SMCO4: variants seen among roughly 807,000 people sequenced by gnomAD.
SMCO4 encodes the protein single-pass membrane protein with coiled-coil domains 4.
Under a neutral mutation model 3.6 loss-of-function variants are expected in SMCO4, and 4 were observed. The ratio of observed to expected loss-of-function variants is 1.11; its 90% CI spans 0.54 to 2.53. The LOEUF (loss-of-function observed/expected upper bound fraction) is 2.53, where lower values mean the gene tolerates loss of function less well. SMCO4 is among the 30% of genes most tolerant of loss of function. SMCO4 has a pLI of 0.02. For synonymous variants in SMCO4, 36 were observed against 35.3 expected (o/e 1.02, Z -0.07); for missense variants, 70 against 80.8 (o/e 0.87, Z 0.51).
chr11:93,523,644 G>A (rs559623936), intron 1 of SMCO4, among the ~76,000 whole-genome samples: 1 of 152,350 alleles, frequency 6.6e-6, no homozygotes, highest in Admixed American at 6.5e-5. Context: ...GGGCAACAGA[G>A]CAAGACCCCG....
At chr11:93,487,283 G>A (rs1000810194) in intron 2 of SMCO4, among the ~76,000 whole-genome samples, 1 of 152,160 alleles carries the variant, frequency 6.6e-6, no homozygotes, top group Non-Finnish European at 1.5e-5. Flanking sequence ...ATGGGACTCC[G>A]GACACCCGCA....
chr11:93,526,661 C>T (rs1024854470), intron 1 of SMCO4, among the ~76,000 whole-genome samples: 49 of 152,294 alleles, frequency 3.2e-4, no homozygotes, highest in African/African-American at 1.1e-3. Flanking sequence ...TTCTCACGCA[C>T]CATTGTACAC....
chr11:93,528,396 C>T (rs772141411), intron 1 of SMCO4, among the ~76,000 whole-genome samples: 28 of 152,274 alleles, frequency 1.8e-4, no homozygotes, highest in East Asian at 7.7e-4. Flanking sequence ...TGGAGACACC[C>T]GCCTCCAGAG....
intron 1 of SMCO4, among the ~76,000 whole-genome samples, chr11:93,533,514 C>G (rs1949182834): frequency 6.6e-6 from 1 of 152,190 alleles, no homozygotes; most frequent in Admixed American, 6.5e-5. Flanking sequence ...TCCTGGCCAT[C>G]TGTGTAGCTT....
intron 2 of SMCO4, among the ~76,000 whole-genome samples, chr11:93,489,354 A>G (rs1205363500): frequency 6.6e-6 from 1 of 152,222 alleles, no homozygotes; most frequent in Non-Finnish European, 1.5e-5. Context: ...ATAATTATGT[A>G]TGAAAAATAA....
intron 1 of SMCO4, among the ~76,000 whole-genome samples, chr11:93,512,433 A>G (rs1948966100): frequency 6.6e-6 from 1 of 152,186 alleles, no homozygotes. Flanking sequence ...AGGCCTTCAC[A>G]TTCACTCACC....
chr11:93,533,209 G>T (rs1299205131), intron 1 of SMCO4, among the ~76,000 whole-genome samples: 1 of 152,190 alleles, frequency 6.6e-6, no homozygotes, highest in Non-Finnish European at 1.5e-5. Flanking sequence ...TACATGGTGT[G>T]GTGGGAAAGA....
intron 1 of SMCO4, among the ~76,000 whole-genome samples, chr11:93,542,942 A>C (rs1322819016): frequency 4.7e-5 from 7 of 149,648 alleles, no homozygotes; most frequent in African/African-American, 1.7e-4. Context: ...TCCGCCCCGC[A>C]CCCGCACTTC....
At position 93,487,775 on chromosome 11, in the gene SMCO4, G is replaced by A. The variant is rs923228157; in HGVS notation, c.-80-8506C>T. Among the ~76,000 whole-genome samples the A allele has an allele frequency of 2.0e-5, 3 of 152,306 alleles. No homozygotes were observed. The South Asian group carries it at 6.2e-4, about 32-fold the overall frequency. ...TAGTCAACAAGAAAAAGCAGCACAC[G>A]GTAAATTAAGTGCATGTCAGGGTTT... is the stretch of plus-strand genomic sequence containing the variant. On this transcript the variant is annotated intron_variant, in intron 2 of 2. Transcript: ENST00000298966.
chr11:93,513,271 T>G (rs1292277450), intron 1 of SMCO4, among the ~76,000 whole-genome samples: 1 of 152,232 alleles, frequency 6.6e-6, no homozygotes, highest in Non-Finnish European at 1.5e-5. Flanking sequence ...AGTCAATATA[T>G]GTGAAGACCT....
At chr11:93,526,268 A>G (rs1183268063) in intron 1 of SMCO4, among the ~76,000 whole-genome samples, 7 of 151,256 alleles carry the variant, frequency 4.6e-5, no homozygotes, top group African/African-American at 1.7e-4. Context: ...TGGCTGCTCA[A>G]GATTAGAGAA....
At chr11:93,549,932 TA>T in the SMCO4 span, among the ~76,000 whole-genome samples, 1 of 151,180 alleles carries the variant, frequency 6.6e-6, no homozygotes, top group African/African-American at 2.4e-5. Flanking sequence ...AAATTATACC[TA>T]TTCTTGGAAA....
At chr11:93,541,070 C>T (rs982531572) in intron 1 of SMCO4, among the ~76,000 whole-genome samples, 11 of 152,204 alleles carry the variant, frequency 7.2e-5, no homozygotes, top group African/African-American at 2.7e-4. Context: ...AGAACAGGAA[C>T]ATTCAGTTAT....
chr11:93,486,978 G>A (rs1364630658), intron 2 of SMCO4, among the ~76,000 whole-genome samples: 1 of 152,100 alleles, frequency 6.6e-6, no homozygotes, highest in African/African-American at 2.4e-5. Flanking sequence ...ACACGAGAAG[G>A]GTATATATGG....
chr11:93,536,366 T>C (rs561562187), intron 1 of SMCO4, among the ~76,000 whole-genome samples: 4 of 152,154 alleles, frequency 2.6e-5, no homozygotes, highest in South Asian at 4.1e-4. Flanking sequence ...GAAGATATAA[T>C]AGCAAAACTA....
At chr11:93,552,564 C>T in the SMCO4 span, among the ~76,000 whole-genome samples, 19 of 151,366 alleles carry the variant, frequency 1.3e-4, no homozygotes, top group Admixed American at 6.6e-5. Flanking sequence ...CTCTGTCTCC[C>T]GGGTTCAAGC....
chr11:93,552,152 C>CTTTTT, the SMCO4 span, among the ~76,000 whole-genome samples: 17 of 109,026 alleles, frequency 1.6e-4, no homozygotes, highest in Non-Finnish European at 2.4e-4. Context: ...CTCATCACTA[C>CTTTTT]TTTTTTTTTT....
intron 1 of SMCO4, among the ~76,000 whole-genome samples, chr11:93,518,926 A>G (rs1444637246): frequency 1.3e-5 from 2 of 152,172 alleles, no homozygotes; most frequent in East Asian, 3.8e-4. Flanking sequence ...CCTGGTTCTC[A>G]TTTTTAGTAA....
intron 2 of SMCO4, among the ~76,000 whole-genome samples, chr11:93,479,585 C>G (rs975176260): frequency 6.6e-6 from 1 of 152,224 alleles, no homozygotes; most frequent in Non-Finnish European, 1.5e-5. Flanking sequence ...GCCGCCTCCA[C>G]TCAGAGGAGC....
Sources: gnomAD v4.1 joint callset for allele counts (sites outside exome capture counted in the v4.1 genomes callset) on GRCh38, gnomAD v4.1.1 for gene constraint, MANE v1.5 for transcripts, NCBI Gene and HGNC (gene_info 2026-07-23, HGNC 2026-07-21) for gene names.